Variants in GRID1 observed in about 807,000 individuals in gnomAD.
GRID1 encodes the protein glutamate ionotropic receptor delta type subunit 1.
Under a neutral mutation model 98.0 loss-of-function variants are expected in GRID1, and 28 were observed. That is an observed-to-expected ratio of 0.29 (90% confidence interval 0.21 to 0.39). GRID1 has a LOEUF of 0.39. GRID1 is among the 10% of genes least tolerant of loss of function. The pLI is 1.00. For synonymous variants in GRID1, 553 were observed against 538.5 expected, an observed-to-expected ratio of 1.03 and a Z score of -0.37; for missense variants, 1,111 against 1,340.5, an observed-to-expected ratio of 0.83 and a Z score of 2.67.
chr10:86,053,406 A>G (rs1033845503), intron 4 of GRID1, among the ~76,000 whole-genome samples: 8 of 150,356 alleles, frequency 5.3e-5, no homozygotes, highest in Non-Finnish European at 1.0e-4. Context: ...CACCCAGACT[A>G]GAGTGCAGTG....
intron 2 of GRID1, among the ~76,000 whole-genome samples, chr10:86,288,062 G>A (rs1847460302): frequency 6.6e-6 from 1 of 152,148 alleles, no homozygotes; most frequent in Non-Finnish European, 1.5e-5. Flanking sequence ...TGCCTCCTGG[G>A]GAAAAGGCAG....
intron 4 of GRID1, among the ~76,000 whole-genome samples, chr10:85,988,669 G>A (rs1842641573): frequency 6.6e-6 from 1 of 152,198 alleles, no homozygotes; most frequent in African/African-American, 2.4e-5. Context: ...CCCCGGGGTG[G>A]CTGAGCCACA....
At chr10:86,043,003 T>C (rs990215112) in intron 4 of GRID1, among the ~76,000 whole-genome samples, 4 of 151,934 alleles carry the variant, frequency 2.6e-5, no homozygotes, top group African/African-American at 4.8e-5. Context: ...AAGGATCCCT[T>C]GAGCCAGTGA....
intron 2 of GRID1, among the ~76,000 whole-genome samples, chr10:86,253,444 T>C (rs1013932702): frequency 1.3e-5 from 2 of 152,228 alleles, no homozygotes; most frequent in Non-Finnish European, 2.9e-5. Context: ...TGAGGCTTCC[T>C]GGGGCCATCG....
chr10:85,900,089 A>C (rs1288319667), intron 5 of GRID1, among the ~76,000 whole-genome samples: 1 of 152,054 alleles, frequency 6.6e-6, no homozygotes, highest in Non-Finnish European at 1.5e-5. Flanking sequence ...CCCTTAAGAC[A>C]CTCACAGAAA....
intron 5 of GRID1, among the ~76,000 whole-genome samples, chr10:85,904,071 G>A (rs1841425991): frequency 1.3e-5 from 2 of 152,232 alleles, no homozygotes; most frequent in Admixed American, 1.3e-4. Flanking sequence ...AATTATAAAT[G>A]TAATAATTAT....
chr10:86,021,755 A>G (rs1255566190), intron 4 of GRID1, among the ~76,000 whole-genome samples: 1 of 152,042 alleles, frequency 6.6e-6, no homozygotes, highest in Non-Finnish European at 1.5e-5. Context: ...AAATTTTCCC[A>G]TTCACCTGCG....
intron 12 of GRID1, among the ~76,000 whole-genome samples, chr10:85,710,170 G>A (rs942961240): frequency 4.6e-5 from 7 of 151,910 alleles, no homozygotes; most frequent in Admixed American, 6.6e-5. Flanking sequence ...TAGCCAAAAC[G>A]TCTTGGAAAA....
At chr10:85,881,551 T>G (rs187782495) in intron 5 of GRID1, among the ~76,000 whole-genome samples, 1 of 151,848 alleles carries the variant, frequency 6.6e-6, no homozygotes, top group African/African-American at 2.4e-5. Flanking sequence ...TAAATGGTGC[T>G]GGGAAAACTG....
At chr10:85,644,804 T>C (rs551339582) in intron 13 of GRID1, among the ~76,000 whole-genome samples, 1 of 152,346 alleles carries the variant, frequency 6.6e-6, no homozygotes, top group African/African-American at 2.4e-5. Context: ...TAACCAACTG[T>C]TACTCCACGT....
At chr10:86,174,527 A>C (rs541156362) in intron 3 of GRID1, among the ~76,000 whole-genome samples, 12 of 151,964 alleles carry the variant, frequency 7.9e-5, no homozygotes, top group Admixed American at 7.9e-4. Context: ...TAGACCTAAA[A>C]CCATAAAAAC....
At chr10:85,919,391 G>A (rs968830768) in intron 4 of GRID1, among the ~76,000 whole-genome samples, 24 of 152,226 alleles carry the variant, frequency 1.6e-4, no homozygotes, top group Admixed American at 1.2e-3. Flanking sequence ...CCCACATGGA[G>A]ATAAATAGTG....
In GRID1 at chr10:85,976,036, G is replaced by A. The variant is rs926802310; in HGVS notation, c.727-59797C>T. On this transcript the variant is annotated intron_variant, in intron 4 of 15. Transcript: ENST00000327946. The stretch of plus-strand genomic sequence containing the variant: ...TCTGTTCACCTTACCAGCTCATCAC[G>A]GGGTGGGCAAGTGTTGTCTAATAGA... Among the ~76,000 whole-genome samples the A allele has an allele frequency of 5.3e-5, 8 of 152,228 alleles. No homozygotes were observed. In the South Asian group the frequency reaches 6.2e-4, roughly 12 times the overall value.
At chr10:85,700,972 A>T (rs1041350648) in intron 12 of GRID1, among the ~76,000 whole-genome samples, 2 of 152,212 alleles carry the variant, frequency 1.3e-5, no homozygotes, top group Non-Finnish European at 2.9e-5. Flanking sequence ...AGTTGAAGAT[A>T]ACTAAGAAAA....
intron 4 of GRID1, among the ~76,000 whole-genome samples, chr10:86,027,851 G>T (rs1056391440): frequency 6.6e-6 from 1 of 152,192 alleles, no homozygotes. Context: ...TACAGAAACT[G>T]CTCATCATTA....
At chr10:86,081,141 T>G (rs1312029386) in intron 4 of GRID1, among the ~76,000 whole-genome samples, 1 of 152,138 alleles carries the variant, frequency 6.6e-6, no homozygotes, top group Non-Finnish European at 1.5e-5. Context: ...ATTATTATTA[T>G]TATTATTTTG....
intron 8 of GRID1, among the ~76,000 whole-genome samples, chr10:85,796,993 C>A (rs1280396019): frequency 6.6e-6 from 1 of 151,996 alleles, no homozygotes; most frequent in African/African-American, 2.4e-5. Context: ...ACAAATGCTG[C>A]AGGAGATACA....
chr10:86,104,763 T>G (rs1367637186), intron 4 of GRID1, among the ~76,000 whole-genome samples: 3 of 152,198 alleles, frequency 2.0e-5, no homozygotes, highest in Non-Finnish European at 4.4e-5. Context: ...CACCCTAGCA[T>G]GCACCATGGT....
chr10:85,774,073 T>A (rs1296546522), intron 8 of GRID1, among the ~76,000 whole-genome samples: 2 of 152,190 alleles, frequency 1.3e-5, no homozygotes, highest in Non-Finnish European at 2.9e-5. Context: ...GACTTCAAAC[T>A]ATACTACAAG....
Sources: gnomAD v4.1 joint callset for allele counts (sites outside exome capture counted in the v4.1 genomes callset) on GRCh38, gnomAD v4.1.1 for gene constraint, MANE v1.5 for transcripts, NCBI Gene and HGNC (gene_info 2026-07-23, HGNC 2026-07-21) for gene names.